Variants in CCDC83 observed in about 807,000 individuals in gnomAD.
CCDC83 encodes the protein coiled-coil domain-containing protein 83.
In CCDC83, 54 loss-of-function variants were observed where a neutral mutation model predicts 50.1. The observed-to-expected ratio is 1.08, with a 90% CI of 0.87 to 1.35. The LOEUF (loss-of-function observed/expected upper bound fraction) is 1.35, where lower values mean the gene tolerates loss of function less well. CCDC83 is among the 40% of genes most tolerant of loss of function. The pLI, the probability that CCDC83 is intolerant of heterozygous loss-of-function variation, is 0.00. For synonymous variants in CCDC83, 161 were observed against 153.3 expected (o/e 1.05, Z -0.37); for missense variants, 518 against 473.9 (o/e 1.09, Z -0.86).
Position 85,873,233 on chromosome 11 carries a change from G to A in CCDC83, c.118G>A (p.Val40Met), listed in dbSNP as rs765307577. 3.4e-5 allele frequency: 53 copies of A among 1,554,982 alleles called. No homozygotes were observed. The highest frequency in any genetic ancestry group is 6.9e-5 in the African/African-American group (5 of 72,552). The part of the protein sequence containing the change: ...DYQCQIKEDA[V>M]EQFMFQIKTL... ...CAGATGTCAAATAAAGGAAGATGCCGTGGAGCAATTCATGTTTCAAATAAA... is the reference window on the plus strand; with the variant it reads ...CAGATGTCAAATAAAGGAAGATGCCATGGAGCAATTCATGTTTCAAATAAA... The change falls in exon 3 of 11, where the codon GTG (valine) becomes ATG (methionine). Residue 40 changes from valine to methionine, a missense_variant. By Grantham distance (21) the Val-to-Met change is conservative. Transcript: ENST00000342404.
At chr11:85,911,492 A>T (rs2093454198) in intron 8 of CCDC83, 90 bp downstream of exon 8, 1 of 1,122,100 alleles carries the variant, frequency 8.9e-7, no homozygotes, top group East Asian at 2.6e-5. Flanking sequence ...AGATGATTTA[A>T]TTATTCAGTG....
Position 85,887,802 on chromosome 11 carries a change from C to CTTT in CCDC83, c.511+1450_511+1452dup, listed in dbSNP as rs372106214. On this transcript the variant is annotated intron_variant, in intron 5 of 10. Transcript: ENST00000342404. The stretch of plus-strand genomic sequence containing the variant: ...CAGTGGTTGCATGGTTTTATTGTAC[C>CTTT]TTTTTTTTTTTTTTTTTCGAGACAC... 1.9e-3 allele frequency among the ~76,000 whole-genome samples: 223 copies of CTTT among 119,932 alleles called. 8 individuals carry two copies. The highest frequency in any genetic ancestry group is 5.7e-3 in the African/African-American group (180 of 31,340). 78.7% of individuals were successfully genotyped at this position (119,932 alleles called of 152,430 possible).
intron 3 of CCDC83, among the ~76,000 whole-genome samples, chr11:85,873,679 A>G (rs1445505): frequency 0.14 from 21,307 of 152,196 alleles, 1,808 homozygotes; most frequent in Middle Eastern, 0.2. Context: ...GAGTATGCGT[A>G]TGTAAATACC....
chr11:85,898,739 A>C (rs967800211), intron 6 of CCDC83, among the ~76,000 whole-genome samples: 3 of 152,238 alleles, frequency 2.0e-5, no homozygotes, highest in Non-Finnish European at 4.4e-5. Context: ...AGTTCTCCAA[A>C]TCACCTGTAA....
chr11:85,912,931 T>C (rs1040929056), intron 8 of CCDC83, among the ~76,000 whole-genome samples: 2 of 152,196 alleles, frequency 1.3e-5, no homozygotes, highest in Non-Finnish European at 1.5e-5. Context: ...AAAAAGGGAA[T>C]TATTTCATTG....
rs149064437 is a variant in CCDC83, at chr11:85,913,799, G to A, written c.795-1620G>A. Among the ~76,000 whole-genome samples the A allele has an allele frequency of 1.8e-3, 273 of 152,332 alleles. 2 individuals are homozygous for A. The highest frequency in any genetic ancestry group is 2.5e-3 in the Non-Finnish European group (172 of 68,030). On this transcript the variant is annotated intron_variant, in intron 8 of 10. Transcript: ENST00000342404. ...GACTGCCCAGGACTCCAGTGCCACAGGGCTGAGGCTAAGTGGGCCAACACC... is the reference window on the plus strand; with the variant it reads ...GACTGCCCAGGACTCCAGTGCCACAAGGCTGAGGCTAAGTGGGCCAACACC...
At chr11:85,870,464 A>G (rs1012506740) in intron 2 of CCDC83, among the ~76,000 whole-genome samples, 9 of 152,228 alleles carry the variant, frequency 5.9e-5, no homozygotes, top group African/African-American at 1.9e-4. Context: ...ATTTTCATTT[A>G]TAATACTTTT....
chr11:85,895,185 T>C (rs1592171340), intron 5 of CCDC83, 108 bp from the exon 6 acceptor site: 3 of 312,838 alleles, frequency 9.6e-6, no homozygotes, highest in East Asian at 7.7e-5. Flanking sequence ...TGTTGTGGAG[T>C]AGTAAGTTGT....
At chr11:85,860,991 G>T (rs2093172956) in intron 1 of CCDC83, among the ~76,000 whole-genome samples, 1 of 134,556 alleles carries the variant, frequency 7.4e-6, no homozygotes. Flanking sequence ...GCCATAAATT[G>T]TGGGGAAAAA....
intron 1 of CCDC83, among the ~76,000 whole-genome samples, chr11:85,858,858 G>T (rs143886362): frequency 2.0e-5 from 3 of 152,162 alleles, no homozygotes; most frequent in Non-Finnish European, 2.9e-5. Flanking sequence ...TTTCCTGAGA[G>T]CCTGACTTAG....
chr11:85,859,831 TAAAG>T (rs1267554121), intron 1 of CCDC83, among the ~76,000 whole-genome samples: 1 of 152,016 alleles, frequency 6.6e-6, no homozygotes, highest in East Asian at 1.9e-4. Context: ...TGGGACTAAT[TAAAG>T]AGCTTCTGCA....
At chr11:85,856,337 G>A (rs886075849) in intron 1 of CCDC83, among the ~76,000 whole-genome samples, 1 of 152,072 alleles carries the variant, frequency 6.6e-6, no homozygotes. Context: ...ACTGCTATTT[G>A]AAGGTAGAAA....
chr11:85,873,207 T>C lies in CCDC83; in HGVS notation c.96-4T>C. 6.7e-7 allele frequency: 1 copy of C among 1,500,728 alleles called. No homozygotes were observed. The highest frequency in any genetic ancestry group is 1.3e-5 in the South Asian group (1 of 78,482). 93.0% of individuals were successfully genotyped at this position (1,500,728 alleles called of 1,614,324 possible). On this transcript the variant is annotated splice_polypyrimidine_tract_variant and splice_region_variant and intron_variant, in intron 2 of 10. Coordinates refer to ENST00000342404, the MANE Select transcript of CCDC83 (RefSeq NM_001286159.2). ...TAACACATTTTATCTTTGTTGATTC[T>C]CAGATGTCAAATAAAGGAAGATGCC... is the stretch of plus-strand genomic sequence containing the variant.
chr11:85,895,239 C>T (rs1484479759), intron 5 of CCDC83, 54 bp from the exon 6 acceptor site: 5 of 699,598 alleles, frequency 7.1e-6, no homozygotes, highest in Non-Finnish European at 1.0e-5. Context: ...TACCTAGAAT[C>T]ATGCTTGATA....
chr11:85,898,919 C>A (rs75658818), intron 6 of CCDC83, 28 bp from the exon 7 acceptor site: 8 of 1,541,458 alleles, frequency 5.2e-6, no homozygotes, highest in Non-Finnish European at 6.3e-6. Flanking sequence ...TGTGGCAACT[C>A]TTCCTTAATC....
At chr11:85,865,538 C>G (rs150080437) in intron 2 of CCDC83, among the ~76,000 whole-genome samples, 1 of 152,336 alleles carries the variant, frequency 6.6e-6, no homozygotes, top group Admixed American at 6.5e-5. Context: ...ATGTATACAA[C>G]AGCTTGCTAG....
chr11:85,899,152 T>A, intron 7 of CCDC83, 137 bp downstream of exon 7: 1 of 613,692 alleles, frequency 1.6e-6, no homozygotes. Flanking sequence ...TCAAGTGGAG[T>A]CCTCATCTCA....
chr11:85,882,927 G>T (rs1204012149), intron 4 of CCDC83, among the ~76,000 whole-genome samples: 1 of 151,774 alleles, frequency 6.6e-6, no homozygotes, highest in African/African-American at 2.4e-5. Flanking sequence ...TTATCTGACT[G>T]TTTTTTTTGG....
At chr11:85,859,974 C>A (rs994091104) in intron 1 of CCDC83, among the ~76,000 whole-genome samples, 2 of 151,972 alleles carry the variant, frequency 1.3e-5, no homozygotes, top group African/African-American at 4.8e-5. Context: ...AAACAAAAAG[C>A]AAATAACCCC....
Sources: gnomAD v4.1 joint callset for allele counts (sites outside exome capture counted in the v4.1 genomes callset) on GRCh38, gnomAD v4.1.1 for gene constraint, MANE v1.5 for transcripts, NCBI Gene and HGNC (gene_info 2026-07-23, HGNC 2026-07-21) for gene names.